DIP2C: variants seen among roughly 807,000 people sequenced by gnomAD.
DIP2C encodes disco-interacting protein 2 homolog C.
DIP2C carries 33 observed loss-of-function variants against 192.4 expected under a neutral mutation model. The ratio of observed to expected loss-of-function variants is 0.17; its 90% CI spans 0.13 to 0.23. DIP2C has a LOEUF of 0.23. DIP2C is among the 10% of genes least tolerant of loss of function. The pLI is 1.00. For missense variants in DIP2C, 1,537 were observed against 2,110.1 expected (o/e 0.73, Z 5.32); for synonymous variants, 979 against 864.1 (o/e 1.13, Z -2.33).
chr10:368,348 C>T (rs1190354033), intron 18 of DIP2C, among the ~76,000 whole-genome samples: 1 of 152,236 alleles, frequency 6.6e-6, no homozygotes, highest in East Asian at 1.9e-4. Context: ...AAGATTTCAC[C>T]ATGCAGTTCC....
chr10:505,743 A>G (rs996137779), intron 1 of DIP2C, among the ~76,000 whole-genome samples: 1 of 151,340 alleles, frequency 6.6e-6, no homozygotes, highest in Non-Finnish European at 1.5e-5. Flanking sequence ...CTCTGGGTGC[A>G]CCTGACACCA....
At chr10:531,831 G>A (rs1180384020) in intron 1 of DIP2C, among the ~76,000 whole-genome samples, 1 of 152,236 alleles carries the variant, frequency 6.6e-6, no homozygotes, top group Non-Finnish European at 1.5e-5. Flanking sequence ...GCTGGGAGGA[G>A]CAGCCAATGC....
At chr10:650,158 C>G in intron 1 of DIP2C, 1 of 717,414 alleles carries the variant, frequency 1.4e-6, no homozygotes, top group Non-Finnish European at 2.6e-6. Context: ...AGAGAAGACC[C>G]CAGCAGAGTC....
rs190385519 is a variant in DIP2C at position 679,215 on chromosome 10, A to G, written c.85+10279T>C. On this transcript the variant is annotated intron_variant, in intron 1 of 36. Transcript: ENST00000280886. ...ACCCAGGCTCCCCGCGCCCATCTCTACTCCCCACACCCAGGCTCCCCGCGC... is the reference window on the plus strand; with the variant it reads ...ACCCAGGCTCCCCGCGCCCATCTCTGCTCCCCACACCCAGGCTCCCCGCGC... Among the ~76,000 whole-genome samples the G allele has an allele frequency of 1.9e-3, 3 of 1,584 alleles. 1 individual carries two copies. Among genetic ancestry groups the G allele is most frequent in the African/African-American group, 4.4e-3 (3 of 688 alleles). The allele number at this position is 1,584 out of a possible 152,430, so 1.0% of individuals were successfully genotyped here. A position where few individuals can be genotyped will look rare whatever the true frequency, so the allele number is the denominator to read the frequency against.
At chr10:591,665 C>G (rs17159715) in intron 1 of DIP2C, among the ~76,000 whole-genome samples, 7,267 of 152,218 alleles carry the variant, frequency 0.048, 224 homozygotes, top group East Asian at 0.081. Flanking sequence ...CATCTGCCTG[C>G]CGGTGAGTTA....
chr10:376,998 G>A (rs1409279327), intron 17 of DIP2C, among the ~76,000 whole-genome samples: 2 of 152,284 alleles, frequency 1.3e-5, no homozygotes, highest in East Asian at 1.9e-4. Flanking sequence ...AATATATTAA[G>A]TTATGAGTTG....
At chr10:684,020 C>T (rs1240549436) in intron 1 of DIP2C, among the ~76,000 whole-genome samples, 1 of 152,236 alleles carries the variant, frequency 6.6e-6, no homozygotes, top group Non-Finnish European at 1.5e-5. Context: ...GTGGCTCGGG[C>T]CCCTAACGGC....
chr10:564,461 C>G (rs1324355361), intron 1 of DIP2C, among the ~76,000 whole-genome samples: 1 of 152,148 alleles, frequency 6.6e-6, no homozygotes, highest in African/African-American at 2.4e-5. Flanking sequence ...ATATTTTCTC[C>G]AGGGACAGGG....
At chr10:669,965 T>A (rs1857342633) in intron 1 of DIP2C, among the ~76,000 whole-genome samples, 1 of 152,208 alleles carries the variant, frequency 6.6e-6, no homozygotes, top group Non-Finnish European at 1.5e-5. Context: ...TATCGAATGT[T>A]CATCTTTATT....
At chr10:586,791 CA>C (rs1851060088) in intron 1 of DIP2C, among the ~76,000 whole-genome samples, 1 of 152,234 alleles carries the variant, frequency 6.6e-6, no homozygotes, top group Non-Finnish European at 1.5e-5. Context: ...ATGGCTTATC[CA>C]CTCATGGTAA....
chr10:390,928 C>A, intron 10 of DIP2C, 65 bp from the exon 11 acceptor site: 1 of 1,587,134 alleles, frequency 6.3e-7, no homozygotes, highest in Non-Finnish European at 8.6e-7. Flanking sequence ...GCCTTCGGCC[C>A]TCCCTCCAGC....
At chr10:567,533 G>T (rs1280625312) in intron 1 of DIP2C, among the ~76,000 whole-genome samples, 1 of 152,154 alleles carries the variant, frequency 6.6e-6, no homozygotes, top group Non-Finnish European at 1.5e-5. Context: ...CTGGGCTGTT[G>T]ATTCTCTTAA....
rs541470541 is a variant in DIP2C at position 530,926 on chromosome 10, G to A, written c.86-44396C>T. On this transcript the variant is annotated intron_variant, in intron 1 of 36. Transcript: ENST00000280886. ...CCTGGTTTAGAGGAACGCTGCCCAC[G>A]GGACCTTGGCAGACTCCCGATGCCG... is the stretch of plus-strand genomic sequence containing the variant. Among the ~76,000 whole-genome samples, 7 of 152,260 alleles carry A rather than the reference G, an allele frequency of 4.6e-5. No individual in the cohort carries two copies. The South Asian group carries it at 8.3e-4, about 18-fold the overall frequency.
chr10:329,731 G>A, intron 29 of DIP2C, 130 bp from the exon 30 acceptor site: 1 of 1,188,938 alleles, frequency 8.4e-7, no homozygotes, highest in Non-Finnish European at 1.2e-6. Context: ...GCCATCTGTA[G>A]AAGGGCACAG....
chr10:368,407 C>A lies in DIP2C; in HGVS notation c.2131+1087G>T, dbSNP rs553930570. On this transcript the variant is annotated intron_variant, in intron 18 of 36. Coordinates refer to ENST00000280886, the MANE Select transcript of DIP2C (RefSeq NM_014974.3). ...AAGAAATGGAGCCAGGGGGGCCTGG[C>A]CACAGCTGGGAGGCAGGGAGTGGGC... 9.2e-5 allele frequency among the ~76,000 whole-genome samples: 14 copies of A among 152,304 alleles called. No individual in the cohort carries two copies. In the South Asian group the frequency reaches 2.9e-3, roughly 32 times the overall value.
chr10:527,343 A>G (rs962755944), intron 1 of DIP2C, among the ~76,000 whole-genome samples: 2 of 152,172 alleles, frequency 1.3e-5, no homozygotes, highest in African/African-American at 4.8e-5. Context: ...CTCAGCAAAT[A>G]TTGCTGATTA....
At chr10:635,025 C>T (rs1425274619) in intron 1 of DIP2C, among the ~76,000 whole-genome samples, 2 of 152,168 alleles carry the variant, frequency 1.3e-5, no homozygotes, top group Non-Finnish European at 2.9e-5. Flanking sequence ...CAGGAACTCA[C>T]CCCAAACTCC....
intron 1 of DIP2C, among the ~76,000 whole-genome samples, chr10:593,489 C>A (rs977076459): frequency 2.5e-5 from 3 of 119,076 alleles, no homozygotes; most frequent in Admixed American, 1.6e-4. Flanking sequence ...CGCGGGACCC[C>A]CCCCCCCCCA....
intron 1 of DIP2C, among the ~76,000 whole-genome samples, chr10:633,850 C>T (rs1854675698): frequency 6.6e-6 from 1 of 152,256 alleles, no homozygotes; most frequent in African/African-American, 2.4e-5. Flanking sequence ...GGGGCCCCGG[C>T]ACACAGTGGG....
Sources: allele counts gnomAD v4.1 joint callset (sites outside exome capture counted in the v4.1 genomes callset), GRCh38; gene constraint gnomAD v4.1.1; transcripts MANE v1.5; gene names NCBI Gene and HGNC (gene_info 2026-07-23, HGNC 2026-07-21).